Variants in TMEM108 observed in about 807,000 individuals in gnomAD.
TMEM108 encodes transmembrane protein 108, also known as cancer/testis antigen 124.
TMEM108 carries 12 observed loss-of-function variants against 35.1 expected under a neutral mutation model. The ratio of observed to expected loss-of-function variants is 0.34; its 90% CI spans 0.22 to 0.55. The LOEUF (loss-of-function observed/expected upper bound fraction) is 0.55, where lower values mean the gene tolerates loss of function less well. Among genes scored for constraint, TMEM108 ranks in the 20% least tolerant of loss-of-function variants. The probability of loss-of-function intolerance (pLI) is 0.89; values close to 1 mark genes in which losing one functional copy is unlikely to be tolerated. For synonymous variants in TMEM108, 287 were observed against 308.6 expected (o/e 0.93, Z 0.73); for missense variants, 680 against 753.3 (o/e 0.90, Z 1.14).
chr3:133,358,715 G>A (rs376033438), intron 3 of TMEM108, among the ~76,000 whole-genome samples: 12 of 152,006 alleles, frequency 7.9e-5, no homozygotes, highest in Admixed American at 7.9e-4. Flanking sequence ...TCTGCTCCAG[G>A]ACACCTTCCC....
chr3:133,167,832 G>T (rs1241947401), intron 2 of TMEM108, among the ~76,000 whole-genome samples: 1 of 152,180 alleles, frequency 6.6e-6, no homozygotes, highest in Non-Finnish European at 1.5e-5. Context: ...GCACAGAGAG[G>T]GGCTCCCACA....
chr3:133,306,120 C>T (rs1354379610), intron 3 of TMEM108, among the ~76,000 whole-genome samples: 5 of 152,008 alleles, frequency 3.3e-5, no homozygotes, highest in African/African-American at 9.7e-5. Context: ...TGATAAAGTT[C>T]GATTTATTGA....
At chr3:133,286,185 CCTT>C (rs1946982359) in intron 3 of TMEM108, among the ~76,000 whole-genome samples, 1 of 152,162 alleles carries the variant, frequency 6.6e-6, no homozygotes, top group Non-Finnish European at 1.5e-5. Context: ...TCAATAAACT[CCTT>C]CTATAGTATC....
At chr3:133,281,238 T>A (rs1364504427) in intron 3 of TMEM108, among the ~76,000 whole-genome samples, 3 of 152,198 alleles carry the variant, frequency 2.0e-5, no homozygotes, top group Admixed American at 1.3e-4. Flanking sequence ...AGGGTTCCCA[T>A]GTTTAAATAT....
chr3:133,202,078 G>C (rs1156983642), intron 2 of TMEM108, among the ~76,000 whole-genome samples: 1 of 152,122 alleles, frequency 6.6e-6, no homozygotes, highest in East Asian at 1.9e-4. Context: ...TCGTACGTTT[G>C]TTGGCTATAT....
intron 2 of TMEM108, among the ~76,000 whole-genome samples, chr3:133,079,353 C>G (rs927822778): frequency 6.6e-6 from 1 of 152,078 alleles, no homozygotes. Flanking sequence ...TTTGCAGGTG[C>G]CTTAGTCCGT....
In TMEM108 at chr3:133,158,496, A is replaced by G. The variant is rs189782191; in HGVS notation, c.-46-70770A>G. On this transcript the variant is annotated intron_variant, in intron 2 of 5. Transcript: ENST00000321871. ...AAAAAAAAAAAAAAAAAAAGAAAAGAAAGAAATTGTTGTGACGTAGGTCGA... is the reference window on the plus strand; with the variant it reads ...AAAAAAAAAAAAAAAAAAAGAAAAGGAAGAAATTGTTGTGACGTAGGTCGA... 2.7e-3 allele frequency among the ~76,000 whole-genome samples: 414 copies of G among 151,754 alleles called. 1 individual carries two copies. Among genetic ancestry groups the G allele is most frequent in the African/African-American group, 9.5e-3 (393 of 41,412 alleles).
intron 2 of TMEM108, among the ~76,000 whole-genome samples, chr3:133,073,644 C>T (rs1283681255): frequency 6.6e-6 from 1 of 150,880 alleles, no homozygotes; most frequent in Admixed American, 6.6e-5. Flanking sequence ...ATCTCTTCTA[C>T]ATACCGATTT....
chr3:133,267,000 A>C (rs973818744), intron 3 of TMEM108, among the ~76,000 whole-genome samples: 2 of 151,240 alleles, frequency 1.3e-5, no homozygotes, highest in Non-Finnish European at 2.9e-5. Flanking sequence ...GAATGGCGTG[A>C]ACCCAGGAGG....
chr3:133,369,294 T>G (rs189331537), intron 3 of TMEM108, among the ~76,000 whole-genome samples: 13 of 152,230 alleles, frequency 8.5e-5, no homozygotes, highest in Admixed American at 7.8e-4. Context: ...CAAGTTGGGT[T>G]TTGGAGATGA....
intron 3 of TMEM108, among the ~76,000 whole-genome samples, chr3:133,373,157 A>G (rs1188998041): frequency 6.6e-6 from 1 of 152,096 alleles, no homozygotes; most frequent in African/African-American, 2.4e-5. Context: ...GCTTGAACCC[A>G]GGAGGTGGAG....
In TMEM108 at chr3:133,215,932, A is replaced by G. The variant is rs998703019; in HGVS notation, c.-46-13334A>G. Among the ~76,000 whole-genome samples, 43 of 152,162 alleles carry G rather than the reference A, an allele frequency of 2.8e-4. 1 individual carries two copies. Among genetic ancestry groups the G allele is most frequent in the African/African-American group, 1.0e-3 (42 of 41,448 alleles). On this transcript the variant is annotated intron_variant, in intron 2 of 5. Transcript: ENST00000321871. ...TTATATTTTCCCCAACTGATTTGAT[A>G]TGCTGCCTTTATCAATCCTAAATTT...
chr3:133,389,483 A>G, intron 4 of TMEM108: 1 of 768,608 alleles, frequency 1.3e-6, no homozygotes, highest in Non-Finnish European at 1.6e-6. Context: ...CAGGAGTTCG[A>G]GACCAGCCTA....
chr3:133,392,404 C>T (rs2073248363), intron 5 of TMEM108, among the ~76,000 whole-genome samples: 1 of 152,122 alleles, frequency 6.6e-6, no homozygotes, highest in Non-Finnish European at 1.5e-5. Context: ...CTCAAGTGAC[C>T]CGCCCACCTC....
intron 2 of TMEM108, among the ~76,000 whole-genome samples, chr3:133,162,425 A>G (rs1435844768): frequency 6.6e-6 from 1 of 152,246 alleles, no homozygotes; most frequent in Non-Finnish European, 1.5e-5. Flanking sequence ...TGAGCAGACC[A>G]AGATGAAAAA....
intron 3 of TMEM108, chr3:133,378,496 G>A: frequency 2.0e-6 from 2 of 985,494 alleles, no homozygotes; most frequent in African/African-American, 1.7e-5. Context: ...CCTAGCAGGG[G>A]CTGAAGGAAC....
chr3:133,072,993 C>G (rs1039356624), intron 2 of TMEM108, among the ~76,000 whole-genome samples: 3 of 152,000 alleles, frequency 2.0e-5, no homozygotes, highest in African/African-American at 7.2e-5. Context: ...TACTTCATTC[C>G]TATTTATTTG....
At chr3:133,288,364 A>G (rs1053702401) in intron 3 of TMEM108, among the ~76,000 whole-genome samples, 82 of 152,336 alleles carry the variant, frequency 5.4e-4, no homozygotes, top group Middle Eastern at 3.4e-3. Flanking sequence ...CACCCAAAGA[A>G]TATTTCTACC....
At chr3:133,226,072 C>G (rs1946065739) in intron 2 of TMEM108, among the ~76,000 whole-genome samples, 1 of 152,188 alleles carries the variant, frequency 6.6e-6, no homozygotes, top group Non-Finnish European at 1.5e-5. Flanking sequence ...CAAGGGCTTA[C>G]AGGTCATAGG....
Sources: gnomAD v4.1 joint callset for allele counts (sites outside exome capture counted in the v4.1 genomes callset) on GRCh38, gnomAD v4.1.1 for gene constraint, MANE v1.5 for transcripts, NCBI Gene and HGNC (gene_info 2026-07-23, HGNC 2026-07-21) for gene names.